Variants in NRXN3 observed in about 807,000 individuals in gnomAD.
The protein encoded by NRXN3 is neurexin III.
Under a neutral mutation model 137.6 loss-of-function variants are expected in NRXN3, and 32 were observed. The observed-to-expected ratio is 0.23, with a 90% CI of 0.18 to 0.31. The LOEUF (loss-of-function observed/expected upper bound fraction) is 0.31, where lower values mean the gene tolerates loss of function less well. Among genes scored for constraint, NRXN3 ranks in the 10% least tolerant of loss-of-function variants. The pLI, the probability that NRXN3 is intolerant of heterozygous loss-of-function variation, is 1.00. For missense variants in NRXN3, 1,574 were observed against 2,062.5 expected (o/e 0.76, Z 4.59); for synonymous variants, 798 against 784.5 (o/e 1.02, Z -0.29).
chr14:79,669,954 G>A (rs1018823532), intron 17 of NRXN3, among the ~76,000 whole-genome samples: 3 of 152,062 alleles, frequency 2.0e-5, no homozygotes, highest in Non-Finnish European at 4.4e-5. Flanking sequence ...GCTAAAAAAT[G>A]TGTCTTTCTT....
intron 4 of NRXN3, among the ~76,000 whole-genome samples, chr14:78,497,574 C>G (rs1386123027): frequency 6.6e-6 from 1 of 150,794 alleles, no homozygotes; most frequent in African/African-American, 2.5e-5. Context: ...ATTAATCTGT[C>G]TGTCCATTCA....
intron 15 of NRXN3, among the ~76,000 whole-genome samples, chr14:79,314,906 C>A (rs1464829419): frequency 6.6e-6 from 1 of 151,952 alleles, no homozygotes; most frequent in Non-Finnish European, 1.5e-5. Context: ...ACACTGAAAA[C>A]CCATCTGTAC....
chr14:79,205,424 G>A (rs1003597393), intron 15 of NRXN3, among the ~76,000 whole-genome samples: 1 of 152,154 alleles, frequency 6.6e-6, no homozygotes, highest in Non-Finnish European at 1.5e-5. Context: ...CATAAGTAGA[G>A]CAATTTAGAT....
intron 15 of NRXN3, among the ~76,000 whole-genome samples, chr14:79,407,837 C>T (rs1032327352): frequency 2.6e-5 from 4 of 152,052 alleles, no homozygotes; most frequent in African/African-American, 4.8e-5. Context: ...ATGTGAGTCA[C>T]TCAGAACAGT....
intron 15 of NRXN3, among the ~76,000 whole-genome samples, chr14:79,177,000 G>A (rs1212983595): frequency 1.3e-5 from 2 of 152,174 alleles, no homozygotes; most frequent in African/African-American, 4.8e-5. Flanking sequence ...AATAAGGAGT[G>A]TGGTATAGAC....
chr14:78,957,708 T>A (rs1158090963), intron 11 of NRXN3, among the ~76,000 whole-genome samples: 2 of 152,288 alleles, frequency 1.3e-5, no homozygotes, highest in South Asian at 2.1e-4. Context: ...CATATGCCAG[T>A]TCCTTCCATC....
chr14:79,740,157 C>G (rs984911586), intron 19 of NRXN3, among the ~76,000 whole-genome samples: 2 of 152,154 alleles, frequency 1.3e-5, no homozygotes, highest in Non-Finnish European at 2.9e-5. Flanking sequence ...CCTCCCTCCC[C>G]CTTTATATTC....
chr14:79,859,979 G>T (rs2099410851), intron 20 of NRXN3, among the ~76,000 whole-genome samples: 1 of 152,162 alleles, frequency 6.6e-6, no homozygotes, highest in Non-Finnish European at 1.5e-5. Flanking sequence ...ACACTGAAGA[G>T]AGATCAGTTA....
intron 7 of NRXN3, among the ~76,000 whole-genome samples, chr14:78,712,687 C>T (rs994529718): frequency 6.6e-5 from 10 of 152,166 alleles, no homozygotes; most frequent in Admixed American, 2.0e-4. Flanking sequence ...CTCAACCTCT[C>T]GAGTAGCTGG....
At chr14:78,636,967 G>T (rs2097572845) in intron 4 of NRXN3, among the ~76,000 whole-genome samples, 1 of 151,826 alleles carries the variant, frequency 6.6e-6, no homozygotes. Flanking sequence ...CTCATGTTCT[G>T]TGTTTTTTTT....
At chr14:79,234,327 TA>T (rs1568714979) in intron 15 of NRXN3, among the ~76,000 whole-genome samples, 15 of 116,596 alleles carry the variant, frequency 1.3e-4, no homozygotes, top group African/African-American at 5.2e-4. Flanking sequence ...TATATATATA[TA>T]TATATATATA....
At chr14:78,266,023 G>C (rs2071640825) in intron 2 of NRXN3, among the ~76,000 whole-genome samples, 1 of 152,118 alleles carries the variant, frequency 6.6e-6, no homozygotes. Context: ...AAATGAACCT[G>C]TACAATGAAA....
rs967536197 is a variant in NRXN3 at position 79,643,940 on chromosome 14, T to C, written c.3445-19838T>C. Among the ~76,000 whole-genome samples, 3 of 135,834 alleles carry C rather than the reference T, an allele frequency of 2.2e-5. 1 individual carries two copies. The highest frequency in any genetic ancestry group is 5.1e-5 in the Non-Finnish European group (3 of 58,444). 89.1% of individuals were successfully genotyped at this position (135,834 alleles called of 152,430 possible). A position where few individuals can be genotyped will look rare whatever the true frequency, so the allele number is the denominator to read the frequency against. On this transcript the variant is annotated intron_variant, in intron 16 of 20. Coordinates refer to ENST00000335750, the MANE Select transcript of NRXN3 (RefSeq NM_001330195.2). ...TTTTGACTATGTCTTATCTACCCAATTGTAAACTTAATGAATACCCACACT... is the reference window on the plus strand; with the variant it reads ...TTTTGACTATGTCTTATCTACCCAACTGTAAACTTAATGAATACCCACACT...
chr14:78,726,435 T>C (rs35695858), intron 8 of NRXN3, among the ~76,000 whole-genome samples: 9,110 of 144,844 alleles, frequency 0.063, 414 homozygotes, highest in African/African-American at 0.13. Flanking sequence ...TGAGAACATG[T>C]GGTATTTGGT....
At chr14:79,702,728 C>T (rs1401157222) in intron 19 of NRXN3, among the ~76,000 whole-genome samples, 2 of 151,920 alleles carry the variant, frequency 1.3e-5, no homozygotes, top group Admixed American at 6.6e-5. Flanking sequence ...ACCAGGAATG[C>T]CCCAATAATT....
At chr14:78,431,200 A>G (rs547559780) in intron 4 of NRXN3, among the ~76,000 whole-genome samples, 11 of 152,332 alleles carry the variant, frequency 7.2e-5, no homozygotes, top group Admixed American at 5.2e-4. Flanking sequence ...CAGAGGGTAC[A>G]TAGGAGATTC....
At chr14:78,208,090 G>C (rs760216) in intron 1 of NRXN3, among the ~76,000 whole-genome samples, 101,617 of 152,042 alleles carry the variant, frequency 0.67, 34,149 homozygotes, top group African/African-American at 0.72. Flanking sequence ...ATTTTCTCAC[G>C]TATAAAATGG....
chr14:78,243,542 G>A lies in NRXN3; in HGVS notation c.449G>A (p.Gly150Asp). The change falls in exon 2 of 21, where the codon GGT (glycine) becomes GAT (aspartate). Residue 150 changes from glycine (G) to aspartate (D), a missense_variant. Around this residue, in one of 5 missense-constraint regions of NRXN3, gnomAD observed 400 missense variants for 527.3 expected, o/e 0.76. Coordinates refer to ENST00000335750, the MANE Select transcript of NRXN3 (RefSeq NM_001330195.2). This position sits in a 1 kb window ranked among gnomAD's most constrained non-coding sequence, Gnocchi z 4.2. ...GATGTGGTCAGTGACTTGTTCCTTG[G>A]TGGAGTCCCTACTGACATACGACCT... ...YMDVVSDLFLGGVPTDIRPSA... is the reference protein window; with the variant it reads ...YMDVVSDLFLDGVPTDIRPSA... 1 of 1,597,722 alleles carries A rather than the reference G, an allele frequency of 6.3e-7. No homozygotes were observed. Among genetic ancestry groups the A allele is most frequent in the Non-Finnish European group, 8.5e-7 (1 of 1,179,488 alleles).
chr14:78,881,455 G>A (rs991369223), intron 10 of NRXN3, among the ~76,000 whole-genome samples: 1 of 151,780 alleles, frequency 6.6e-6, no homozygotes, highest in East Asian at 1.9e-4. Context: ...CCAAACTGAG[G>A]TGGTCTCAGA....
Sources: allele counts gnomAD v4.1 joint callset (sites outside exome capture counted in the v4.1 genomes callset), GRCh38; gene constraint gnomAD v4.1.1; regional missense constraint gnomAD v4.1.1; non-coding constraint Gnocchi (gnomAD v3.1); transcripts MANE v1.5; gene names NCBI Gene and HGNC (gene_info 2026-07-23, HGNC 2026-07-21).